ARHGAP42: variants seen among roughly 807,000 people sequenced by gnomAD.
ARHGAP42 encodes the protein Rho GTPase activating protein 42.
ARHGAP42 carries 63 observed loss-of-function variants against 125.0 expected under a neutral mutation model. The observed-to-expected ratio is 0.50, with a 90% CI of 0.41 to 0.62. ARHGAP42 has a LOEUF of 0.62. Ranked by LOEUF, ARHGAP42 falls within the 20% of genes least tolerant of loss-of-function variation. The pLI is 0.00. For synonymous variants in ARHGAP42, 339 were observed against 351.0 expected (o/e 0.97, Z 0.38); for missense variants, 766 against 1,024.2 (o/e 0.75, Z 3.44).
rs1858836017 is a variant in ARHGAP42, at chr11:100,991,748, G to A, written c.*2947G>A. The A allele has an allele frequency of 6.6e-6, 1 of 152,372 alleles. No homozygotes were observed. Among genetic ancestry groups the A allele is most frequent in the South Asian group, 2.1e-4 (1 of 4,830 alleles). The allele number at this position is 152,372 out of a possible 1,614,324, so 9.4% of individuals were successfully genotyped here. On this transcript the variant is annotated 3_prime_UTR_variant, in exon 24 of 24. Coordinates refer to ENST00000298815, the MANE Select transcript of ARHGAP42 (RefSeq NM_152432.4). ...AGTATGAGGAAGTGGGTTTCTCCTT[G>A]TTTGATGTGAGTGGTTTTGCTTGTT...
intron 4 of ARHGAP42, among the ~76,000 whole-genome samples, chr11:100,869,605 C>G (rs1354608101): frequency 6.6e-6 from 1 of 152,070 alleles, no homozygotes; most frequent in Non-Finnish European, 1.5e-5. Context: ...ACTCAGGAGA[C>G]TGAGGCAGGA....
At chr11:100,916,160 A>G (rs960237526) in intron 5 of ARHGAP42, among the ~76,000 whole-genome samples, 1 of 152,194 alleles carries the variant, frequency 6.6e-6, no homozygotes, top group African/African-American at 2.4e-5. Flanking sequence ...CATTGGAGTA[A>G]ACAGTTGGAG....
intron 1 of ARHGAP42, among the ~76,000 whole-genome samples, chr11:100,703,383 A>G (rs1861429204): frequency 6.6e-6 from 1 of 152,210 alleles, no homozygotes; most frequent in African/African-American, 2.4e-5. Context: ...TATTATGAAG[A>G]TGTAGCATTT....
At chr11:100,869,678 T>G (rs2135156423) in intron 4 of ARHGAP42, among the ~76,000 whole-genome samples, 1 of 152,272 alleles carries the variant, frequency 6.6e-6, no homozygotes, top group African/African-American at 2.4e-5. Context: ...ATTGGAAAGT[T>G]TTTTAATTCA....
chr11:100,769,841 G>A (rs907899047), intron 1 of ARHGAP42, among the ~76,000 whole-genome samples: 4 of 150,898 alleles, frequency 2.7e-5, no homozygotes, highest in African/African-American at 9.8e-5. Context: ...GAGGTGTAGG[G>A]GGATGGAGAG....
At chr11:100,802,722 C>T (rs1863888489) in intron 3 of ARHGAP42, among the ~76,000 whole-genome samples, 1 of 152,240 alleles carries the variant, frequency 6.6e-6, no homozygotes, top group South Asian at 2.1e-4. Flanking sequence ...GCCACTGAGC[C>T]TGGCCTGGCC....
chr11:100,707,852 A>G (rs563690240), intron 1 of ARHGAP42, among the ~76,000 whole-genome samples: 5 of 152,292 alleles, frequency 3.3e-5, no homozygotes, highest in Admixed American at 6.5e-5. Context: ...AGTAGGTGCC[A>G]TGTGTAGCCT....
intron 3 of ARHGAP42, among the ~76,000 whole-genome samples, chr11:100,829,209 G>A (rs1227631100): frequency 1.3e-5 from 2 of 151,844 alleles, no homozygotes; most frequent in Admixed American, 1.3e-4. Flanking sequence ...TGGTGGCTTG[G>A]GGAAAAAAAG....
chr11:100,992,671 C>T lies in ARHGAP42; in HGVS notation c.*3870C>T, dbSNP rs368122394. 23 of 1,598,536 alleles carry T rather than the reference C, an allele frequency of 1.4e-5. No individual in the cohort carries two copies. The highest frequency in any genetic ancestry group is 1.7e-4 in the Middle Eastern group (1 of 5,998). On this transcript the variant is annotated 3_prime_UTR_variant, in exon 24 of 24. Coordinates refer to ENST00000298815, the MANE Select transcript of ARHGAP42 (RefSeq NM_152432.4). ...ATGTGCCAGTTCCACTTGGTAATAA[C>T]GTTGGGAAAATGCAGGTTTATGAAT...
chr11:100,944,536 T>C (rs1318027335), intron 10 of ARHGAP42, among the ~76,000 whole-genome samples: 1 of 152,064 alleles, frequency 6.6e-6, no homozygotes, highest in Non-Finnish European at 1.5e-5. Context: ...TATGATGACT[T>C]TCTATATATG....
In ARHGAP42 at chr11:100,992,162, A is replaced by G. The variant is rs1858847215; in HGVS notation, c.*3361A>G. 1.2e-6 allele frequency: 1 copy of G among 832,634 alleles called. No individual in the cohort carries two copies. The highest frequency in any genetic ancestry group is 1.8e-6 in the Non-Finnish European group (1 of 549,252). The allele number at this position is 832,634 out of a possible 1,614,324, so 51.6% of individuals were successfully genotyped here. ...TCAAGCAATTTCAAATTGTAGTGAT[A>G]CCTTAAATCATGTATTCAGGATGCC... On this transcript the variant is annotated 3_prime_UTR_variant, in exon 24 of 24. Coordinates refer to ENST00000298815, the MANE Select transcript of ARHGAP42 (RefSeq NM_152432.4).
At chr11:100,807,448 G>A (rs908819731) in intron 3 of ARHGAP42, among the ~76,000 whole-genome samples, 1 of 152,084 alleles carries the variant, frequency 6.6e-6, no homozygotes, top group African/African-American at 2.4e-5. Flanking sequence ...CACCCGCCTC[G>A]GTCTCCCAAA....
At chr11:100,693,139 G>A (rs967222774) in intron 1 of ARHGAP42, among the ~76,000 whole-genome samples, 2 of 148,824 alleles carry the variant, frequency 1.3e-5, no homozygotes, top group African/African-American at 4.9e-5. Context: ...GATATTTTTG[G>A]TTATATAAAT....
chr11:100,954,894 A>G (rs1175224501), intron 12 of ARHGAP42, among the ~76,000 whole-genome samples: 1 of 152,172 alleles, frequency 6.6e-6, no homozygotes, highest in Non-Finnish European at 1.5e-5. Flanking sequence ...ATACAGCATG[A>G]TATTAGTTAT....
At chr11:100,875,012 A>G (rs975930507) in intron 4 of ARHGAP42, among the ~76,000 whole-genome samples, 1 of 149,252 alleles carries the variant, frequency 6.7e-6, no homozygotes, top group African/African-American at 2.5e-5. Context: ...CTGATTTGCA[A>G]ATGTTAATTT....
At chr11:100,932,747 A>G (rs971770249) in intron 6 of ARHGAP42, among the ~76,000 whole-genome samples, 1 of 152,034 alleles carries the variant, frequency 6.6e-6, no homozygotes, top group African/African-American at 2.4e-5. Flanking sequence ...TCCCTTGGGT[A>G]CTTCTTATCT....
chr11:100,780,615 T>TA (rs1374815416), intron 2 of ARHGAP42, among the ~76,000 whole-genome samples: 1 of 152,244 alleles, frequency 6.6e-6, no homozygotes, highest in Non-Finnish European at 1.5e-5. Context: ...GCGACATTGT[T>TA]AAAGCCGAAG....
At chr11:100,844,336 T>C (rs1227320300) in intron 3 of ARHGAP42, among the ~76,000 whole-genome samples, 1 of 152,010 alleles carries the variant, frequency 6.6e-6, no homozygotes. Context: ...GACCTGAATC[T>C]ATAATAAAAA....
Position 100,974,713 on chromosome 11 carries a change from C to T in ARHGAP42, c.1855+110C>T, listed in dbSNP as rs1278760059. Reference sequence around the variant, plus strand: ...GAAGATGTTCTCACTGATGCTCTTTCCCCAACACCTCCTCTTTTATCATTT... The same window carrying T: ...GAAGATGTTCTCACTGATGCTCTTTTCCCAACACCTCCTCTTTTATCATTT... On this transcript the variant is annotated intron_variant, in intron 19 of 23. Coordinates refer to ENST00000298815, the MANE Select transcript of ARHGAP42 (RefSeq NM_152432.4). 4 of 1,120,656 alleles carry T rather than the reference C, an allele frequency of 3.6e-6. No individual in the cohort carries two copies. In the East Asian group the frequency reaches 8.0e-5, roughly 22 times the overall value. The allele number at this position is 1,120,656 out of a possible 1,614,324, so 69.4% of individuals were successfully genotyped here.
Sources: gnomAD v4.1 joint callset for allele counts (sites outside exome capture counted in the v4.1 genomes callset) on GRCh38, gnomAD v4.1.1 for gene constraint, MANE v1.5 for transcripts, NCBI Gene and HGNC (gene_info 2026-07-23, HGNC 2026-07-21) for gene names.